Variants in FADS2 observed in about 807,000 individuals in gnomAD.
FADS2 encodes acyl-CoA 6-desaturase.
Under a neutral mutation model 61.2 loss-of-function variants are expected in FADS2, and 18 were observed. That is an observed-to-expected ratio of 0.29 (90% CI 0.20 to 0.44). The LOEUF is 0.44. FADS2 is among the 20% of genes least tolerant of loss of function. FADS2 has a pLI of 1.00. For synonymous variants in FADS2, 203 were observed against 223.9 expected, an observed-to-expected ratio of 0.91 and a Z score of 0.83; for missense variants, 322 against 572.7, an observed-to-expected ratio of 0.56 and a Z score of 4.47.
At chr11:61,852,884 G>T (rs1322674473) in intron 5 of FADS2, among the ~76,000 whole-genome samples, 1 of 152,142 alleles carries the variant, frequency 6.6e-6, no homozygotes, top group African/African-American at 2.4e-5. Flanking sequence ...GCCCAGCGTG[G>T]TGGCTCACAT....
intron 5 of FADS2, 73 bp from the exon 6 acceptor site, chr11:61,856,938 A>T: frequency 8.6e-7 from 1 of 1,167,114 alleles, no homozygotes; most frequent in Non-Finnish European, 1.3e-6. Flanking sequence ...TGGTGGCTGC[A>T]GGATGGGTTG....
At chr11:61,838,995 C>A (rs940672215) in intron 2 of FADS2, among the ~76,000 whole-genome samples, 1 of 152,198 alleles carries the variant, frequency 6.6e-6, no homozygotes, top group Non-Finnish European at 1.5e-5. Flanking sequence ...CAGAACCACC[C>A]TTCATAGCAC....
Position 61,840,510 on chromosome 11 carries a change from C to T in FADS2, c.495C>T (p.Ala165=), listed in dbSNP as rs201904696. Residue 165 remains alanine, a synonymous_variant, in exon 3 of 12, where the codon GCC becomes GCT. Coordinates refer to ENST00000278840, the MANE Select transcript of FADS2 (RefSeq NM_004265.4). ...GCTGGATTCCTACCCTCATCACGGC[C>T]TTTGTCCTTGCTACCTCTCAGGTGA... ...GNGWIPTLIT[A]FVLATSQAQA... 60 of 1,614,198 alleles carry T rather than the reference C, an allele frequency of 3.7e-5. No individual in the cohort carries two copies. In the East Asian group the frequency reaches 1.2e-3, roughly 32 times the overall value.
Position 61,816,865 on chromosome 11 carries a change from C to G in FADS2, c.141+439C>G. ...TTGCTGGCGCGCGCCCAGAGCCAGCCGCCTGCGCGCCGGGTTTTCAGCACC... is the reference window on the plus strand; with the variant it reads ...TTGCTGGCGCGCGCCCAGAGCCAGCGGCCTGCGCGCCGGGTTTTCAGCACC... On this transcript the variant is annotated intron_variant, in intron 1 of 11. Transcript: ENST00000257261. The surrounding 1 kb of genome is among the most constrained non-coding windows in gnomAD (Gnocchi z 7.0). 1 of 1,478,668 alleles carries G rather than the reference C, an allele frequency of 6.8e-7. No homozygotes were observed. The highest frequency in any genetic ancestry group is 8.9e-7 in the Non-Finnish European group (1 of 1,125,498). 91.6% of individuals were successfully genotyped at this position (1,478,668 alleles called of 1,614,324 possible). A position where few individuals can be genotyped will look rare whatever the true frequency, so the allele number is the denominator to read the frequency against.
chr11:61,851,548 G>T (rs139566439), intron 5 of FADS2, among the ~76,000 whole-genome samples: 22 of 152,366 alleles, frequency 1.4e-4, no homozygotes, highest in Non-Finnish European at 2.9e-4. Flanking sequence ...TCTGGCTCTC[G>T]CAGGACCCGG....
chr11:61,859,592 C>T lies in FADS2; in HGVS notation c.882+2062C>T, dbSNP rs189466694. ...TGTTAATGAATGGCTCCATCATCCA[C>T]CCAGTGGCTCAAGTTAGAGACTAGC... On this transcript the variant is annotated intron_variant, in intron 7 of 11. Coordinates refer to ENST00000278840, the MANE Select transcript of FADS2 (RefSeq NM_004265.4). Among the ~76,000 whole-genome samples, 10 of 152,352 alleles carry T rather than the reference C, an allele frequency of 6.6e-5. No individual in the cohort carries two copies. The South Asian group carries it at 2.1e-3, about 32-fold the overall frequency.
At chr11:61,837,442 C>T (rs531132643) in intron 1 of FADS2, among the ~76,000 whole-genome samples, 1 of 152,338 alleles carries the variant, frequency 6.6e-6, no homozygotes, top group South Asian at 2.1e-4. Flanking sequence ...GGCTCAAGTC[C>T]TCCCTGAGCC....
At chr11:61,841,514 C>T (rs2067216685) in intron 4 of FADS2, among the ~76,000 whole-genome samples, 5 of 147,832 alleles carry the variant, frequency 3.4e-5, no homozygotes. Context: ...GCCTGGGCAA[C>T]ATAGTGAGAC....
chr11:61,853,796 A>G lies in FADS2; in HGVS notation c.745-3215A>G, dbSNP rs184532350. On this transcript the variant is annotated intron_variant, in intron 5 of 11. Coordinates refer to ENST00000278840, the MANE Select transcript of FADS2 (RefSeq NM_004265.4). ...TGCCGCCTGTTTCTCTCTGTGTGTGAGTTTGCAGGTTCCCAGAGGCAGAGA... is the reference window on the plus strand; with the variant it reads ...TGCCGCCTGTTTCTCTCTGTGTGTGGGTTTGCAGGTTCCCAGAGGCAGAGA... Among the ~76,000 whole-genome samples, 28 of 152,014 alleles carry G rather than the reference A, an allele frequency of 1.8e-4. No individual in the cohort carries two copies. The East Asian group carries it at 4.8e-3, about 26-fold the overall frequency.
chr11:61,857,635 G>A (rs1480704689), intron 7 of FADS2, 105 bp downstream of exon 7: 16 of 992,822 alleles, frequency 1.6e-5, no homozygotes, highest in Non-Finnish European at 2.2e-5. Context: ...GGAGCCTGTG[G>A]GGCCCCAGGC....
At chr11:61,861,363 A>AAAAAAAAAAACAAAAAAAAAAAAC (rs1591181309) in intron 7 of FADS2, among the ~76,000 whole-genome samples, 1 of 140,010 alleles carries the variant, frequency 7.1e-6, no homozygotes, top group African/African-American at 2.6e-5. Flanking sequence ...CAAAAAAAAA[A>AAAAAAAAAAACAAAAAAAAAAAAC]AAAAAAAACA....
At position 61,865,263 on chromosome 11, in the gene FADS2, G is replaced by A. The variant is rs994085068; in HGVS notation, c.1269G>A (p.Leu423=). The change falls in exon 11 of 12, where the codon CTG becomes CTA. Residue 423 remains leucine (L), a synonymous_variant. Coordinates refer to ENST00000278840, the MANE Select transcript of FADS2 (RefSeq NM_004265.4). This position sits in a 1 kb window ranked among gnomAD's most constrained non-coding sequence, Gnocchi z 4.1. ...AGGAGAAGCCGCTACTGAGGGCCCT[G>A]CTGGACATCATCAGGTGAGGGGTGG... is the stretch of plus-strand genomic sequence containing the variant. ...EYQEKPLLRA[L]LDIIRSLKKS... 3 of 1,613,436 alleles carry A rather than the reference G, an allele frequency of 1.9e-6. No individual in the cohort carries two copies. The highest frequency in any genetic ancestry group is 2.5e-6 in the Non-Finnish European group (3 of 1,179,970).
intron 1 of FADS2, among the ~76,000 whole-genome samples, chr11:61,834,956 C>T (rs920454934): frequency 3.3e-5 from 5 of 150,838 alleles, no homozygotes; most frequent in South Asian, 2.1e-4. Context: ...CCTCCCTGCC[C>T]GCACCCTGGG....
Position 61,828,511 on chromosome 11 carries a change from C to A in FADS2, c.121C>A (p.Arg41Ser). 6.2e-7 allele frequency: 1 copy of A among 1,613,800 alleles called. No homozygotes were observed. The highest frequency in any genetic ancestry group is 8.5e-7 in the Non-Finnish European group (1 of 1,179,982). ...CACCGACAGGTGGCTGGTCATTGAC[C>A]GCAAGGTTTACAACATCACCAAATG... ...LRTDRWLVID[R>S]KVYNITKWSI... The change falls in exon 1 of 12, where the codon CGC (arginine) becomes AGC (serine). Residue 41 changes from arginine (R) to serine (S), a missense_variant. Physicochemically the swap from Arg to Ser is moderately radical, Grantham distance 110. Coordinates refer to ENST00000278840, the MANE Select transcript of FADS2 (RefSeq NM_004265.4). This position sits in a 1 kb window ranked among gnomAD's most constrained non-coding sequence, Gnocchi z 6.4.
chr11:61,819,296 T>C (rs1006627756), intron 1 of FADS2, among the ~76,000 whole-genome samples: 5 of 152,190 alleles, frequency 3.3e-5, no homozygotes, highest in African/African-American at 1.2e-4. Flanking sequence ...TATTTATAGG[T>C]CAGGCGGGGT....
At chr11:61,856,975 G>T in intron 5 of FADS2, 36 bp from the exon 6 acceptor site, 4 of 1,576,548 alleles carry the variant, frequency 2.5e-6, no homozygotes, top group African/African-American at 1.3e-5. Context: ...GGGAGCTGAG[G>T]CTACTGGGTG....
intron 10 of FADS2, chr11:61,863,988 T>C: frequency 1.8e-6 from 1 of 556,128 alleles, no homozygotes; most frequent in Non-Finnish European, 3.3e-6. Flanking sequence ...AGGGTCATCC[T>C]GTGCCCCTCA....
Position 61,857,584 on chromosome 11 carries a change from G to T in FADS2, c.882+54G>T, listed in dbSNP as rs188480902. ...TGGGGAGGAGGGTGACTGGGACAGG[G>T]GGACCCGGGGGTCCTACGCTGCCTC... is the stretch of plus-strand genomic sequence containing the variant. On this transcript the variant is annotated intron_variant, in intron 7 of 11. Transcript: ENST00000278840. The T allele has an allele frequency of 7.8e-4, 1,172 of 1,500,544 alleles. 8 individuals carry two copies. The African/African-American group carries it at 0.011, about 14-fold the overall frequency. The allele number at this position is 1,500,544 out of a possible 1,614,324, so 93.0% of individuals were successfully genotyped here. A position where few individuals can be genotyped will look rare whatever the true frequency, so the allele number is the denominator to read the frequency against.
intron 5 of FADS2, among the ~76,000 whole-genome samples, chr11:61,852,779 G>A (rs1332395350): frequency 2.0e-5 from 3 of 151,976 alleles, no homozygotes; most frequent in East Asian, 1.9e-4. Context: ...GTCCACTTAC[G>A]TCTCTTCGTA....
Sources: allele counts gnomAD v4.1 joint callset (sites outside exome capture counted in the v4.1 genomes callset), GRCh38; gene constraint gnomAD v4.1.1; non-coding constraint Gnocchi (gnomAD v3.1); transcripts MANE v1.5; gene names NCBI Gene and HGNC (gene_info 2026-07-23, HGNC 2026-07-21).